The following MYMK variants were observed in gnomAD, a reference collection of about 807,000 sequenced individuals.
MYMK encodes myomaker, myoblast fusion factor, also known as protein myomaker.
Under a neutral mutation model 22.4 loss-of-function variants are expected in MYMK, and 16 were observed. The ratio of observed to expected loss-of-function variants is 0.72; its 90% CI spans 0.48 to 1.09. The LOEUF (loss-of-function observed/expected upper bound fraction) is 1.09. Among genes scored for constraint, MYMK ranks in the 50% least tolerant of loss-of-function variants. The probability of loss-of-function intolerance (pLI) is 0.00; values close to 1 mark genes in which losing one functional copy is unlikely to be tolerated. For missense variants in MYMK, 250 were observed against 295.6 expected (o/e 0.85, Z 1.13); for synonymous variants, 125 against 127.0 (o/e 0.98, Z 0.11).
At position 133,515,011 on chromosome 9, in the gene MYMK, A is replaced by C. The variant is rs1588264179; in HGVS notation, c.517-226T>G. 2.0e-5 allele frequency among the ~76,000 whole-genome samples: 3 copies of C among 150,026 alleles called. No individual in the cohort carries two copies. The highest frequency in any genetic ancestry group is 4.3e-4 in the South Asian group (2 of 4,610). ...AGGCTGCACTCCTTCCTTCTTCCCC[A>C]TCCCCTCTCTCTGCTGTCCTTCTCT... On this transcript the variant is annotated intron_variant, in intron 4 of 4. Coordinates refer to ENST00000339996, the MANE Select transcript of MYMK (RefSeq NM_001080483.3). This position sits in a 1 kb window ranked among gnomAD's most constrained non-coding sequence, Gnocchi z 5.8.
chr9:133,515,661 C>T lies in MYMK; in HGVS notation c.400-54G>A. The T allele has an allele frequency of 7.9e-7, 1 of 1,262,772 alleles. No individual in the cohort carries two copies. Among genetic ancestry groups the T allele is most frequent in the Non-Finnish European group, 1.2e-6 (1 of 864,194 alleles). The allele number at this position is 1,262,772 out of a possible 1,614,324, so 78.2% of individuals were successfully genotyped here. On this transcript the variant is annotated intron_variant, in intron 3 of 4. Coordinates refer to ENST00000339996, the MANE Select transcript of MYMK (RefSeq NM_001080483.3). The surrounding 1 kb of genome is among the most constrained non-coding windows in gnomAD (Gnocchi z 5.8). Reference sequence around the variant, plus strand: ...TTTTAGGTCACAGCACTGGGGAACGCCCCTCCCCAAACCAGCCCGAGAGCT... The same window carrying T: ...TTTTAGGTCACAGCACTGGGGAACGTCCCTCCCCAAACCAGCCCGAGAGCT...
chr9:133,516,018 G>A (rs192886273), intron 3 of MYMK, among the ~76,000 whole-genome samples: 236 of 152,308 alleles, frequency 1.5e-3, no homozygotes, highest in African/African-American at 5.4e-3. Context: ...TGGCCCATGG[G>A]GATGGCACTT....
Position 133,515,070 on chromosome 9 carries a change from C to T in MYMK, c.517-285G>A, listed in dbSNP as rs1394348315. Among the ~76,000 whole-genome samples the T allele has an allele frequency of 1.3e-5, 2 of 151,986 alleles. No individual in the cohort carries two copies. Among genetic ancestry groups the T allele is most frequent in the African/African-American group, 4.8e-5 (2 of 41,368 alleles). ...CCTTCTCTCCCTCCTACCCTCCCTC[C>T]CTCCATCTCCCCCTCTTTTCTCTCC... On this transcript the variant is annotated intron_variant, in intron 4 of 4. Transcript: ENST00000339996. The surrounding 1 kb of genome is among the most constrained non-coding windows in gnomAD (Gnocchi z 5.8).
chr9:133,514,628 G>C lies in MYMK; in HGVS notation c.*8C>G. 3 of 1,612,110 alleles carry C rather than the reference G, an allele frequency of 1.9e-6. No homozygotes were observed. The highest frequency in any genetic ancestry group is 2.5e-6 in the Non-Finnish European group (3 of 1,178,784). On this transcript the variant is annotated 3_prime_UTR_variant, in exon 5 of 5. Transcript: ENST00000339996. ...GGGCAGGGGCTCAGAGCCGGGCTGG[G>C]CGCAGCATCAGACACAAGCACAGCA... is the stretch of plus-strand genomic sequence containing the variant.
chr9:133,519,100 C>T (rs1027284231), intron 2 of MYMK, 78 bp from the exon 3 acceptor site: 62 of 1,572,344 alleles, frequency 3.9e-5, no homozygotes, highest in Non-Finnish European at 4.7e-5. Flanking sequence ...CCCCCCAGCC[C>T]CCAGGAGGCA....
chr9:133,515,382 G>T lies in MYMK; in HGVS notation c.516+109C>A. On this transcript the variant is annotated intron_variant, in intron 4 of 4. Transcript: ENST00000339996. This position sits in a 1 kb window ranked among gnomAD's most constrained non-coding sequence, Gnocchi z 5.8. ...AGGGACTAATACCAGACTTTGGCCT[G>T]GGGCTGTCAGAGTCCCCCCAGCGTG... The T allele has an allele frequency of 1.3e-6, 1 of 764,376 alleles. No individual in the cohort carries two copies. 47.3% of individuals were successfully genotyped at this position (764,376 alleles called of 1,614,324 possible). A position where few individuals can be genotyped will look rare whatever the true frequency, so the allele number is the denominator to read the frequency against.
rs778799236 is a variant in MYMK at position 133,514,785 on chromosome 9, C to T, written c.517G>A (p.Asp173Asn). Residue 173 changes from aspartate to asparagine, a missense_variant and splice_region_variant, in exon 5 of 5, where the codon GAC becomes AAC. Physicochemically the swap from Asp to Asn is conservative, Grantham distance 23. Transcript: ENST00000339996. Reference protein sequence around the residue: ...LALMLRFFFEDWDYTYVHSFY... With the variant: ...LALMLRFFFENWDYTYVHSFY... ...CTGTGGACATAAGTGTAGTCCCAGT[C>T]CTGCGGGGGGCAAGCGGTCAGTCTG... The T allele has an allele frequency of 4.3e-6, 7 of 1,613,314 alleles. No homozygotes were observed. The highest frequency in any genetic ancestry group is 5.9e-6 in the Non-Finnish European group (7 of 1,179,470).
rs147915367 is a variant in MYMK, at chr9:133,521,570, G to C, written c.136-1282C>G. ...GGAGGCGGCGGTCCTGCTTCTCTCT[G>C]TTCTTGTCAGGCTCATCCAGAAGAC... On this transcript the variant is annotated intron_variant, in intron 1 of 4. Coordinates refer to ENST00000339996, the MANE Select transcript of MYMK (RefSeq NM_001080483.3). 3.7e-3 allele frequency among the ~76,000 whole-genome samples: 562 copies of C among 152,348 alleles called. 6 individuals carry two copies. The highest frequency in any genetic ancestry group is 0.012 in the African/African-American group (516 of 41,578).
rs1049616413 is a variant in MYMK, at chr9:133,515,743, T to C, written c.400-136A>G. ...CGGCAGGAGAGGAGGCTCAGGAGCC[T>C]CCTGCCGCACCCAGCCTCAGATGGC... is the stretch of plus-strand genomic sequence containing the variant. On this transcript the variant is annotated intron_variant, in intron 3 of 4. Coordinates refer to ENST00000339996, the MANE Select transcript of MYMK (RefSeq NM_001080483.3). The surrounding 1 kb of genome is among the most constrained non-coding windows in gnomAD (Gnocchi z 5.8). 8.0e-5 allele frequency: 49 copies of C among 612,442 alleles called. No homozygotes were observed. Among genetic ancestry groups the C allele is most frequent in the East Asian group, 1.1e-4 (4 of 35,932 alleles). 37.9% of individuals were successfully genotyped at this position (612,442 alleles called of 1,614,324 possible).
At chr9:133,518,844 C>T (rs747464052) in intron 3 of MYMK, 30 bp downstream of exon 3, 3 of 1,591,886 alleles carry the variant, frequency 1.9e-6, no homozygotes, top group South Asian at 2.2e-5. Context: ...CTCCTGGGTC[C>T]CCGTTCATCG....
At chr9:133,518,626 C>T (rs1844659274) in intron 3 of MYMK, among the ~76,000 whole-genome samples, 1 of 152,162 alleles carries the variant, frequency 6.6e-6, no homozygotes. Flanking sequence ...CAGGTACGGG[C>T]GTGGAGGTGA....
chr9:133,514,919 C>T (rs1174882763), intron 4 of MYMK, 134 bp from the exon 5 acceptor site: 22 of 975,598 alleles, frequency 2.3e-5, no homozygotes, highest in South Asian at 2.0e-4. Context: ...GCCTCCCCCA[C>T]GGTCGCGCTC....
intron 4 of MYMK, 124 bp from the exon 5 acceptor site, chr9:133,514,909 G>T: frequency 9.1e-7 from 1 of 1,101,074 alleles, no homozygotes; most frequent in Non-Finnish European, 1.3e-6. Flanking sequence ...CCTGCAGGAA[G>T]CCTCCCCCAC....
In MYMK at chr9:133,515,559, A is replaced by G. The variant is rs1844621859; in HGVS notation, c.448T>C (p.Tyr150His). The change falls in exon 4 of 5, where the codon TAC becomes CAC. Residue 150 changes from tyrosine (Y) to histidine (H), a missense_variant. Tyr to His is a moderately conservative substitution (Grantham distance 83, BLOSUM62 2). Coordinates refer to ENST00000339996, the MANE Select transcript of MYMK (RefSeq NM_001080483.3). The surrounding 1 kb of genome is among the most constrained non-coding windows in gnomAD (Gnocchi z 5.8). ...AGGCCGGGGCCTATCTGCTGGGTGTAGACGCTCTTGTCTGGGTACAGGCCC... is the reference window on the plus strand; with the variant it reads ...AGGCCGGGGCCTATCTGCTGGGTGTGGACGCTCTTGTCTGGGTACAGGCCC... ...KKGLYPDKSVYTQQIGPGLCF... is the reference protein window; with the variant it reads ...KKGLYPDKSVHTQQIGPGLCF... The G allele has an allele frequency of 6.2e-7, 1 of 1,614,106 alleles. No individual in the cohort carries two copies. Among genetic ancestry groups the G allele is most frequent in the Non-Finnish European group, 8.5e-7 (1 of 1,179,950 alleles).
At chr9:133,520,704 G>A (rs530531843) in intron 1 of MYMK, among the ~76,000 whole-genome samples, 115 of 152,192 alleles carry the variant, frequency 7.6e-4, no homozygotes, top group Non-Finnish European at 1.4e-3. Flanking sequence ...ACACAGCTGC[G>A]TGTTCACTCG....
intron 3 of MYMK, among the ~76,000 whole-genome samples, chr9:133,517,736 G>C (rs984820828): frequency 1.3e-5 from 2 of 151,924 alleles, no homozygotes; most frequent in Non-Finnish European, 2.9e-5. Context: ...TTAAGTTGCT[G>C]AGGCCTCCAT....
intron 4 of MYMK, 149 bp from the exon 5 acceptor site, chr9:133,514,934 T>A: frequency 1.2e-6 from 1 of 859,680 alleles, no homozygotes; most frequent in Non-Finnish European, 1.8e-6. Context: ...GCGCTCACAG[T>A]GGTTTTTCTC....
chr9:133,517,557 T>C (rs900919399), intron 3 of MYMK, among the ~76,000 whole-genome samples: 2 of 151,498 alleles, frequency 1.3e-5, no homozygotes, highest in Admixed American at 6.6e-5. Context: ...TCCCAGCTAC[T>C]CGGGAGGCTG....
At position 133,518,865 on chromosome 9, in the gene MYMK, A is replaced by G. The variant is rs764942007; in HGVS notation, c.399+9T>C. 15 of 1,608,820 alleles carry G rather than the reference A, an allele frequency of 9.3e-6. No homozygotes were observed. The South Asian group carries it at 1.2e-4, about 13-fold the overall frequency. On this transcript the variant is annotated intron_variant, in intron 3 of 4. Transcript: ENST00000339996. ...GGTCCCCGTTCATCGAGGCTCGCGCAGTACGCACCCACTTTGCCGCGATGA... is the reference window on the plus strand; with the variant it reads ...GGTCCCCGTTCATCGAGGCTCGCGCGGTACGCACCCACTTTGCCGCGATGA...
Sources: gnomAD v4.1 joint callset for allele counts (sites outside exome capture counted in the v4.1 genomes callset) on GRCh38, gnomAD v4.1.1 for gene constraint, Gnocchi (gnomAD v3.1) non-coding constraint, MANE v1.5 for transcripts, NCBI Gene and HGNC (gene_info 2026-07-23, HGNC 2026-07-21) for gene names.